The following TBCE variants were observed in gnomAD, a reference collection of about 807,000 sequenced individuals.
The protein encoded by TBCE is tubulin folding cofactor E, also known as tubulin-specific chaperone E.
Under a neutral mutation model 77.0 loss-of-function variants are expected in TBCE, and 53 were observed. That is an observed-to-expected ratio of 0.69 (90% CI 0.55 to 0.87). The LOEUF (loss-of-function observed/expected upper bound fraction) is 0.87, where lower values mean the gene tolerates loss of function less well. Ranked by LOEUF, TBCE falls within the 40% of genes least tolerant of loss-of-function variation. The probability of loss-of-function intolerance (pLI) is 0.00; values close to 1 mark genes in which losing one functional copy is unlikely to be tolerated. For missense variants in TBCE, 624 were observed against 622.4 expected (o/e 1.00, Z -0.03); for synonymous variants, 235 against 241.3 (o/e 0.97, Z 0.24).
intron 4 of TBCE, chr1:235,415,100 C>G (rs1479268828): frequency 5.1e-6 from 1 of 194,950 alleles, no homozygotes; most frequent in African/African-American, 2.3e-5. Flanking sequence ...CATCCCAGAT[C>G]TGCTCAATCA....
At chr1:235,397,343 G>A (rs552524791) in intron 2 of TBCE, among the ~76,000 whole-genome samples, 8 of 151,910 alleles carry the variant, frequency 5.3e-5, no homozygotes, top group East Asian at 1.9e-4. Context: ...CTGGGACTAC[G>A]GGCGCCCGCC....
rs752446633 is a variant in TBCE, at chr1:235,374,084, G to A, written c.-31-5935G>A. ...CGCCTCTTGGGTTCAAGCCTCCAGA[G>A]TAGCTGGGATTACGGGTGCTTGCCA... On this transcript the variant is annotated intron_variant, in intron 1 of 16. Coordinates refer to ENST00000642610, the MANE Select transcript of TBCE (RefSeq NM_003193.5). 6.2e-5 allele frequency among the ~76,000 whole-genome samples: 9 copies of A among 145,624 alleles called. 1 individual carries two copies. Among genetic ancestry groups the A allele is most frequent in the Non-Finnish European group, 1.2e-4 (8 of 66,526 alleles).
intron 3 of TBCE, among the ~76,000 whole-genome samples, chr1:235,409,153 A>G (rs562500241): frequency 2.6e-5 from 4 of 152,232 alleles, no homozygotes; most frequent in African/African-American, 9.6e-5. Context: ...ATAGGACAGA[A>G]TGAATCTTGA....
intron 2 of TBCE, among the ~76,000 whole-genome samples, chr1:235,397,363 G>A (rs556335963): frequency 6.0e-4 from 92 of 152,094 alleles, no homozygotes; most frequent in African/African-American, 2.2e-3. Context: ...CAGGATGCGC[G>A]GCTAATTTTT....
rs778135230 is a variant in TBCE at position 235,450,271 on chromosome 1, C to T, written c.*1509C>T. ...TTCAGTTTCCACAGTTCCGTCAGTT[C>T]CCACGGAGAATACTGAGGAGAAGAC... On this transcript the variant is annotated 3_prime_UTR_variant, in exon 17 of 17. Coordinates refer to ENST00000642610, the MANE Select transcript of TBCE (RefSeq NM_003193.5). 1 of 1,614,004 alleles carries T rather than the reference C, an allele frequency of 6.2e-7. No individual in the cohort carries two copies. Among genetic ancestry groups the T allele is most frequent in the Admixed American group, 1.7e-5 (1 of 60,008 alleles).
At chr1:235,409,676 A>C (rs1346139771) in intron 3 of TBCE, among the ~76,000 whole-genome samples, 21 of 150,882 alleles carry the variant, frequency 1.4e-4, no homozygotes, top group Admixed American at 1.4e-3. Context: ...AGATCTGTTC[A>C]TGACTTCTTG....
chr1:235,440,100 G>A (rs144181744), intron 13 of TBCE, among the ~76,000 whole-genome samples: 1,900 of 151,118 alleles, frequency 0.013, 10 homozygotes, highest in Non-Finnish European at 0.017. Flanking sequence ...CCTCCCGAGT[G>A]GCTGGGACTA....
At chr1:235,397,818 A>G (rs1385360245) in intron 2 of TBCE, among the ~76,000 whole-genome samples, 2 of 152,194 alleles carry the variant, frequency 1.3e-5, no homozygotes, top group African/African-American at 4.8e-5. Context: ...TCTGGATCTT[A>G]CACATTCCTG....
At position 235,411,004 on chromosome 1, in the gene TBCE, C is replaced by T. The variant is rs145190526; in HGVS notation, c.186-3429C>T. Among the ~76,000 whole-genome samples, 33 of 152,220 alleles carry T rather than the reference C, an allele frequency of 2.2e-4. No individual in the cohort carries two copies. The East Asian group carries it at 4.8e-3, about 22-fold the overall frequency. ...AGAGTATAATCACAGCAATATATTCCACAACAGTAAAATAAAAAAAATAAA... is the reference window on the plus strand; with the variant it reads ...AGAGTATAATCACAGCAATATATTCTACAACAGTAAAATAAAAAAAATAAA... On this transcript the variant is annotated intron_variant, in intron 3 of 16. Coordinates refer to ENST00000642610, the MANE Select transcript of TBCE (RefSeq NM_003193.5).
In TBCE at chr1:235,451,745, C is replaced by G. The variant is rs1053754447; in HGVS notation, c.*2983C>G. ...CAGGGCTTCTAACTGACAGACACTG[C>G]ATGTGCCTTCTGTCCCCTGCACCTT... On this transcript the variant is annotated 3_prime_UTR_variant, in exon 17 of 17. Coordinates refer to ENST00000642610, the MANE Select transcript of TBCE (RefSeq NM_003193.5). 1.3e-5 allele frequency: 2 copies of G among 152,204 alleles called. No homozygotes were observed. The highest frequency in any genetic ancestry group is 2.9e-5 in the Non-Finnish European group (2 of 68,046). 9.4% of individuals were successfully genotyped at this position (152,204 alleles called of 1,614,324 possible).
At chr1:235,413,795 A>T (rs1390488117) in intron 3 of TBCE, 1 of 151,966 alleles carries the variant, frequency 6.6e-6, no homozygotes, top group East Asian at 1.9e-4. Context: ...ACCAAAATAA[A>T]AAATAAATAA....
intron 8 of TBCE, among the ~76,000 whole-genome samples, chr1:235,435,150 G>C (rs1322264013): frequency 6.6e-6 from 1 of 151,560 alleles, no homozygotes; most frequent in Non-Finnish European, 1.5e-5. Flanking sequence ...ACCCAGGCTA[G>C]AGTGCAATGG....
At chr1:235,374,945 G>C (rs1677201738) in intron 1 of TBCE, among the ~76,000 whole-genome samples, 1 of 125,314 alleles carries the variant, frequency 8.0e-6, no homozygotes, top group Non-Finnish European at 1.7e-5. Flanking sequence ...TTTTGAGATG[G>C]AGTCTCACTC....
At chr1:235,397,709 T>C (rs1256978855) in intron 2 of TBCE, among the ~76,000 whole-genome samples, 1 of 152,222 alleles carries the variant, frequency 6.6e-6, no homozygotes, top group Non-Finnish European at 1.5e-5. Flanking sequence ...TGTGAATTAA[T>C]AAACCTGTGT....
intron 12 of TBCE, among the ~76,000 whole-genome samples, chr1:235,438,552 T>TAAAAA (rs10667524): frequency 1.4e-5 from 2 of 146,130 alleles, no homozygotes; most frequent in Non-Finnish European, 1.5e-5. Flanking sequence ...CATCTCAAAT[T>TAAAAA]AAAAAAAAAA....
chr1:235,381,888 T>C (rs1260667036), intron 2 of TBCE, among the ~76,000 whole-genome samples: 1 of 149,992 alleles, frequency 6.7e-6, no homozygotes, highest in Non-Finnish European at 1.5e-5. Context: ...TATGTATACA[T>C]GTGCCATGCT....
intron 7 of TBCE, 175 bp from the exon 8 acceptor site, chr1:235,434,029 T>G: frequency 3.3e-5 from 21 of 635,696 alleles, no homozygotes; most frequent in East Asian, 6.0e-5. Context: ...CCCTTAACAT[T>G]TTATTTATCA....
At chr1:235,422,689 CATG>C (rs1048367735) in intron 5 of TBCE, among the ~76,000 whole-genome samples, 10 of 151,904 alleles carry the variant, frequency 6.6e-5, no homozygotes, top group African/African-American at 2.2e-4. Flanking sequence ...ATTAGCCAGG[CATG>C]GTGGTGGGCG....
chr1:235,377,392 G>C (rs978702447), intron 1 of TBCE, among the ~76,000 whole-genome samples: 1 of 152,172 alleles, frequency 6.6e-6, no homozygotes, highest in Non-Finnish European at 1.5e-5. Flanking sequence ...TGTTGGCTGG[G>C]ATGGTATCGA....
Sources: gnomAD v4.1 joint callset for allele counts (sites outside exome capture counted in the v4.1 genomes callset) on GRCh38, gnomAD v4.1.1 for gene constraint, MANE v1.5 for transcripts, NCBI Gene and HGNC (gene_info 2026-07-23, HGNC 2026-07-21) for gene names.